The following PTPRM variants were observed in gnomAD, a reference collection of about 807,000 sequenced individuals.
PTPRM encodes protein tyrosine phosphatase receptor type M, also known as receptor-type tyrosine-protein phosphatase mu.
A neutral mutation model predicts 186.7 loss-of-function variants in PTPRM; 47 were observed. That is an observed-to-expected ratio of 0.25 (90% CI 0.20 to 0.32). The LOEUF is 0.32. Among genes scored for constraint, PTPRM ranks in the 10% least tolerant of loss-of-function variants. The pLI is 1.00. For missense variants in PTPRM, 1,494 were observed against 1,865.0 expected (o/e 0.80, Z 3.66); for synonymous variants, 668 against 674.9 (o/e 0.99, Z 0.16).
chr18:8,034,759 C>G (rs2086217856), intron 7 of PTPRM, among the ~76,000 whole-genome samples: 1 of 152,204 alleles, frequency 6.6e-6, no homozygotes, highest in Non-Finnish European at 1.5e-5. Flanking sequence ...CCAAGTGGCT[C>G]TATCAGCCTG....
intron 2 of PTPRM, among the ~76,000 whole-genome samples, chr18:7,821,704 A>C (rs1305151192): frequency 6.6e-6 from 1 of 152,220 alleles, no homozygotes; most frequent in Non-Finnish European, 1.5e-5. Flanking sequence ...ATTATGAAGT[A>C]AAATAAGAGT....
intron 11 of PTPRM, among the ~76,000 whole-genome samples, chr18:8,110,094 C>CCCCCAAACCAAATA (rs1342647644): frequency 1.3e-5 from 2 of 152,106 alleles, no homozygotes; most frequent in African/African-American, 4.8e-5. Context: ...GTGTAATATA[C>CCCCCAAACCAAATA]CCCCAAACCA....
At chr18:7,823,156 G>T (rs1394557089) in intron 2 of PTPRM, among the ~76,000 whole-genome samples, 1 of 152,128 alleles carries the variant, frequency 6.6e-6, no homozygotes, top group African/African-American at 2.4e-5. Flanking sequence ...ATATTCCATA[G>T]CCCCAGGATG....
intron 1 of PTPRM, among the ~76,000 whole-genome samples, chr18:7,579,502 T>C (rs898075917): frequency 3.9e-5 from 6 of 152,270 alleles, no homozygotes; most frequent in Non-Finnish European, 8.8e-5. Flanking sequence ...GCATTTCTTT[T>C]ATAAAGCAGA....
At chr18:8,084,123 G>A (rs1019015746) in intron 9 of PTPRM, among the ~76,000 whole-genome samples, 3 of 152,190 alleles carry the variant, frequency 2.0e-5, no homozygotes, top group Admixed American at 6.5e-5. Context: ...TACCTCCTTC[G>A]GGGAAGGTAC....
chr18:8,234,298 G>A (rs116667692), intron 14 of PTPRM, among the ~76,000 whole-genome samples: 1,803 of 152,158 alleles, frequency 0.012, 30 homozygotes, highest in African/African-American at 0.04. Context: ...CTTTTTGTAC[G>A]TATTTGTTAG....
intron 13 of PTPRM, among the ~76,000 whole-genome samples, chr18:8,119,249 T>C (rs891598363): frequency 2.6e-5 from 4 of 152,192 alleles, no homozygotes; most frequent in Admixed American, 2.6e-4. Flanking sequence ...TTCAGAAATT[T>C]GAATGTTTCT....
At chr18:7,901,274 AG>A (rs2049665116) in intron 3 of PTPRM, among the ~76,000 whole-genome samples, 2 of 148,358 alleles carry the variant, frequency 1.3e-5, no homozygotes, top group Non-Finnish European at 3.1e-5. Flanking sequence ...TTTGCCAGAT[AG>A]CCAGAGTTCA....
chr18:8,314,118 T>C (rs919646486), intron 20 of PTPRM, among the ~76,000 whole-genome samples: 1 of 152,328 alleles, frequency 6.6e-6, no homozygotes, highest in South Asian at 2.1e-4. Flanking sequence ...ACCATAAATA[T>C]GAGCCCTCTA....
At chr18:7,701,581 A>T (rs942904693) in intron 1 of PTPRM, among the ~76,000 whole-genome samples, 3 of 152,102 alleles carry the variant, frequency 2.0e-5, no homozygotes. Context: ...GCCTGGTGAC[A>T]GAGGGAGACT....
chr18:8,297,551 C>T (rs977559304), intron 20 of PTPRM, among the ~76,000 whole-genome samples: 5 of 152,192 alleles, frequency 3.3e-5, no homozygotes, highest in East Asian at 1.9e-4. Flanking sequence ...TATGGCCGTA[C>T]GACTGAGAAA....
At chr18:8,151,656 C>CTG (rs1254921883) in intron 14 of PTPRM, among the ~76,000 whole-genome samples, 2 of 142,688 alleles carry the variant, frequency 1.4e-5, no homozygotes, top group East Asian at 4.2e-4. Context: ...GTGAATGATT[C>CTG]TGTCTCACTT....
chr18:7,578,969 T>G (rs1470462381), intron 1 of PTPRM, among the ~76,000 whole-genome samples: 2 of 152,146 alleles, frequency 1.3e-5, no homozygotes, highest in Non-Finnish European at 2.9e-5. Flanking sequence ...GTGTTGAATA[T>G]TGGCAATTTC....
chr18:7,846,620 T>C (rs1211837837), intron 2 of PTPRM, among the ~76,000 whole-genome samples: 1 of 152,200 alleles, frequency 6.6e-6, no homozygotes, highest in Non-Finnish European at 1.5e-5. Flanking sequence ...TGTTCCTGGG[T>C]TCCCCAATGA....
At chr18:7,609,935 G>C (rs543029615) in intron 1 of PTPRM, among the ~76,000 whole-genome samples, 1 of 152,250 alleles carries the variant, frequency 6.6e-6, no homozygotes, top group East Asian at 1.9e-4. Flanking sequence ...TGGCAATTTT[G>C]TTTCCTTGGG....
At chr18:7,767,266 A>G (rs1410259962) in intron 1 of PTPRM, among the ~76,000 whole-genome samples, 2 of 152,144 alleles carry the variant, frequency 1.3e-5, no homozygotes, top group African/African-American at 4.8e-5. Context: ...TGGATCTAGA[A>G]CCTCCTTTTA....
At chr18:8,065,774 T>G (rs1304580507) in intron 7 of PTPRM, among the ~76,000 whole-genome samples, 1 of 152,218 alleles carries the variant, frequency 6.6e-6, no homozygotes, top group Admixed American at 6.5e-5. Flanking sequence ...AGATCTATAT[T>G]GTGCACATAG....
chr18:8,114,668 A>T, intron 12 of PTPRM, 123 bp from the exon 13 acceptor site: 1 of 796,440 alleles, frequency 1.3e-6, no homozygotes, highest in Non-Finnish European at 2.0e-6. Context: ...CTGTGTGATT[A>T]AAGACACGCT....
chr18:8,398,528 G>A (rs1050199726), intron 32 of PTPRM, among the ~76,000 whole-genome samples: 1 of 152,102 alleles, frequency 6.6e-6, no homozygotes, highest in Non-Finnish European at 1.5e-5. Context: ...CACTTAGGGA[G>A]GCCGAGGTGG....
Sources: gnomAD v4.1 joint callset for allele counts (sites outside exome capture counted in the v4.1 genomes callset) on GRCh38, gnomAD v4.1.1 for gene constraint, MANE v1.5 for transcripts, NCBI Gene and HGNC (gene_info 2026-07-23, HGNC 2026-07-21) for gene names.